Variants in ARHGEF3 observed in about 807,000 individuals in gnomAD.
ARHGEF3 encodes 59.8 kDA protein.
Under a neutral mutation model 63.2 loss-of-function variants are expected in ARHGEF3, and 28 were observed. The ratio of observed to expected loss-of-function variants is 0.44; its 90% CI spans 0.33 to 0.61. The LOEUF (loss-of-function observed/expected upper bound fraction) is 0.61, where lower values mean the gene tolerates loss of function less well. Ranked by LOEUF, ARHGEF3 falls within the 20% of genes least tolerant of loss-of-function variation. The probability of loss-of-function intolerance (pLI) is 0.03; values close to 1 mark genes in which losing one functional copy is unlikely to be tolerated. For synonymous variants in ARHGEF3, 266 were observed against 254.2 expected (o/e 1.05, Z -0.44); for missense variants, 533 against 659.3 (o/e 0.81, Z 2.10).
intron 4 of ARHGEF3, among the ~76,000 whole-genome samples, chr3:56,827,412 T>C (rs559796768): frequency 6.6e-6 from 1 of 152,148 alleles, no homozygotes; most frequent in East Asian, 1.9e-4. Context: ...GTGGTCCAGG[T>C]TTAAATCTCA....
intron 2 of ARHGEF3, among the ~76,000 whole-genome samples, chr3:57,025,400 G>A (rs79955020): frequency 0.018 from 2,693 of 152,296 alleles, 83 homozygotes; most frequent in African/African-American, 0.062. Context: ...CTTCAGAGAT[G>A]AGGAAACTGC....
At chr3:56,796,550 C>T (rs536678625) in intron 1 of ARHGEF3, among the ~76,000 whole-genome samples, 14 of 152,290 alleles carry the variant, frequency 9.2e-5, no homozygotes, top group South Asian at 2.1e-4. Flanking sequence ...GGGTTGCAGC[C>T]GTTCTATGAA....
chr3:56,798,086 C>G (rs2037460532), intron 1 of ARHGEF3, among the ~76,000 whole-genome samples: 1 of 152,172 alleles, frequency 6.6e-6, no homozygotes, highest in African/African-American at 2.4e-5. Flanking sequence ...TCAAGTGAGA[C>G]ACTAGACATG....
chr3:56,941,202 A>G (rs1199185072), intron 3 of ARHGEF3, among the ~76,000 whole-genome samples: 1 of 152,168 alleles, frequency 6.6e-6, no homozygotes, highest in Non-Finnish European at 1.5e-5. Flanking sequence ...CCAGAGGCTT[A>G]GCCACAGCAC....
rs548090194 is a variant in ARHGEF3, at chr3:56,734,833, G to C, written c.1041+2352C>G. 1.1e-4 allele frequency among the ~76,000 whole-genome samples: 17 copies of C among 152,204 alleles called. No individual in the cohort carries two copies. In the East Asian group the frequency reaches 1.5e-3, roughly 14 times the overall value. On this transcript the variant is annotated intron_variant, in intron 8 of 9. Transcript: ENST00000296315. ...AAAGCACAAAATAACCAAGTTAAAGGCTTTTTGGTGTGGTAGTTGTGGAAA... is the reference window on the plus strand; with the variant it reads ...AAAGCACAAAATAACCAAGTTAAAGCCTTTTTGGTGTGGTAGTTGTGGAAA...
At position 56,836,082 on chromosome 3, in the gene ARHGEF3, T is replaced by G. The variant is rs369531822; in HGVS notation, c.192+46210A>C. On this transcript the variant is annotated intron_variant, in intron 4 of 12. Transcript: ENST00000338458. ...CCAAGGTATCCCGTTCACATCTGAT[T>G]AATGCAAGCTGCCTTATCACTCCTG... is the stretch of plus-strand genomic sequence containing the variant. Among the ~76,000 whole-genome samples the G allele has an allele frequency of 2.6e-5, 4 of 152,232 alleles. No individual in the cohort carries two copies. In the East Asian group the frequency reaches 7.7e-4, roughly 29 times the overall value.
chr3:57,032,939 T>A (rs1444981701), intron 2 of ARHGEF3, among the ~76,000 whole-genome samples: 1 of 152,144 alleles, frequency 6.6e-6, no homozygotes, highest in Non-Finnish European at 1.5e-5. Flanking sequence ...GATAGGTGGA[T>A]GGGTCCCTGT....
intron 3 of ARHGEF3, among the ~76,000 whole-genome samples, chr3:56,942,934 G>A (rs1560069769): frequency 6.6e-6 from 1 of 152,228 alleles, no homozygotes; most frequent in Non-Finnish European, 1.5e-5. Flanking sequence ...TTCTATGAAG[G>A]TGAGAGGAAG....
rs1029217576 is a variant in ARHGEF3 at position 56,879,545 on chromosome 3, C to T, written c.192+2747G>A. On this transcript the variant is annotated intron_variant, in intron 4 of 12. Coordinates refer to the ARHGEF3 transcript ENST00000338458. ...TTTCTTGTTCAAAGCACACATCTGGCGAATGTCTTACAACTTATTAAATGG... is the reference window on the plus strand; with the variant it reads ...TTTCTTGTTCAAAGCACACATCTGGTGAATGTCTTACAACTTATTAAATGG... 3.9e-5 allele frequency among the ~76,000 whole-genome samples: 6 copies of T among 152,050 alleles called. No individual in the cohort carries two copies. The South Asian group carries it at 6.2e-4, about 16-fold the overall frequency.
chr3:56,999,985 C>T (rs906221137), intron 2 of ARHGEF3, among the ~76,000 whole-genome samples: 2 of 152,138 alleles, frequency 1.3e-5, no homozygotes, highest in Non-Finnish European at 2.9e-5. Context: ...CTATCATATA[C>T]TAGCTGTGTG....
At chr3:56,920,728 A>G (rs1015502592) in intron 3 of ARHGEF3, among the ~76,000 whole-genome samples, 8 of 151,804 alleles carry the variant, frequency 5.3e-5, no homozygotes, top group Non-Finnish European at 1.0e-4. Context: ...AAAATTCCAC[A>G]AACTGAATTT....
chr3:57,032,179 C>A (rs532488529), intron 2 of ARHGEF3, among the ~76,000 whole-genome samples: 26 of 152,282 alleles, frequency 1.7e-4, no homozygotes, highest in African/African-American at 6.0e-4. Flanking sequence ...CAAATATGCT[C>A]AACTTGTAAA....
At chr3:56,864,712 T>G (rs2040185039) in intron 4 of ARHGEF3, among the ~76,000 whole-genome samples, 1 of 152,168 alleles carries the variant, frequency 6.6e-6, no homozygotes, top group African/African-American at 2.4e-5. Flanking sequence ...AAAGAATACA[T>G]GTAAGGTCCT....
intron 1 of ARHGEF3, chr3:56,775,239 G>A: frequency 7.6e-7 from 1 of 1,307,572 alleles, no homozygotes; most frequent in Middle Eastern, 2.0e-4. Context: ...CATAGTAGGT[G>A]CCTGGAAAAA....
intron 8 of ARHGEF3, among the ~76,000 whole-genome samples, chr3:56,735,697 AT>A (rs1215233551): frequency 6.6e-6 from 1 of 152,148 alleles, no homozygotes; most frequent in East Asian, 1.9e-4. Context: ...CTTTCTGAAA[AT>A]AAGCAAGAAA....
At chr3:56,865,564 A>G (rs1440265586) in intron 4 of ARHGEF3, among the ~76,000 whole-genome samples, 4 of 152,212 alleles carry the variant, frequency 2.6e-5, no homozygotes, top group South Asian at 4.1e-4. Flanking sequence ...ATGTTTTTAA[A>G]AGGTTTTTCT....
chr3:56,845,620 C>G (rs1013098546), intron 4 of ARHGEF3, among the ~76,000 whole-genome samples: 1 of 152,294 alleles, frequency 6.6e-6, no homozygotes, highest in South Asian at 2.1e-4. Flanking sequence ...CCTTCATGAG[C>G]AAATTATCTC....
intron 2 of ARHGEF3, among the ~76,000 whole-genome samples, chr3:57,009,220 C>G (rs935549453): frequency 3.3e-5 from 5 of 152,232 alleles, no homozygotes; most frequent in African/African-American, 1.2e-4. Context: ...TTCATTTCAG[C>G]TGAACGCTCA....
At chr3:56,874,181 A>G (rs990542168) in intron 4 of ARHGEF3, among the ~76,000 whole-genome samples, 8 of 152,224 alleles carry the variant, frequency 5.3e-5, no homozygotes, top group Admixed American at 2.6e-4. Context: ...AACATAGGGT[A>G]TCTGCTACCT....
Sources: allele counts gnomAD v4.1 joint callset (sites outside exome capture counted in the v4.1 genomes callset), GRCh38; gene constraint gnomAD v4.1.1; transcripts MANE v1.5; gene names NCBI Gene and HGNC (gene_info 2026-07-23, HGNC 2026-07-21).